Variants in UNC13C observed in about 807,000 individuals in gnomAD.
UNC13C encodes protein unc-13 homolog C.
Under a neutral mutation model 245.4 loss-of-function variants are expected in UNC13C, and 174 were observed. The observed-to-expected ratio is 0.71, with a 90% confidence interval of 0.63 to 0.80. The LOEUF (loss-of-function observed/expected upper bound fraction) is 0.80, where lower values mean the gene tolerates loss of function less well. UNC13C is among the 30% of genes least tolerant of loss of function. The probability of loss-of-function intolerance (pLI) is 0.00; values close to 1 mark genes in which losing one functional copy is unlikely to be tolerated. For synonymous variants in UNC13C, 992 were observed against 895.1 expected, an observed-to-expected ratio of 1.11 and a Z score of -1.93; for missense variants, 2,829 against 2,602.9, an observed-to-expected ratio of 1.09 and a Z score of -1.89.
chr15:54,501,086 G>A, intron 22 of UNC13C, 108 bp downstream of exon 22: 2 of 1,162,552 alleles, frequency 1.7e-6, no homozygotes, highest in Non-Finnish European at 2.4e-6. Flanking sequence ...CAGTTTATTT[G>A]TAATTCTGTA....
chr15:54,345,510 A>G (rs932336900), intron 17 of UNC13C, among the ~76,000 whole-genome samples: 5 of 152,204 alleles, frequency 3.3e-5, no homozygotes, highest in Non-Finnish European at 5.9e-5. Context: ...ACCTGGAAGG[A>G]TACATATTGC....
rs139943337 is a variant in UNC13C at position 54,131,203 on chromosome 15, T to C, written c.2984-11815T>C. Among the ~76,000 whole-genome samples, 50 of 152,336 alleles carry C rather than the reference T, an allele frequency of 3.3e-4. No individual in the cohort carries two copies. In the East Asian group the frequency reaches 8.9e-3, roughly 27 times the overall value. ...TGTGTGTCTGCATGGAATTTTGGTA[T>C]ATGTGGACCAGAGGGAAGAATCCTT... On this transcript the variant is annotated intron_variant, in intron 2 of 32. Coordinates refer to ENST00000260323, the MANE Select transcript of UNC13C (RefSeq NM_001080534.3).
chr15:54,149,746 G>A (rs545559866), intron 4 of UNC13C, among the ~76,000 whole-genome samples: 1 of 152,038 alleles, frequency 6.6e-6, no homozygotes, highest in African/African-American at 2.4e-5. Context: ...TGTATCTGTG[G>A]GTTCTACATC....
At chr15:54,246,953 C>A (rs2082645141) in intron 7 of UNC13C, among the ~76,000 whole-genome samples, 1 of 152,146 alleles carries the variant, frequency 6.6e-6, no homozygotes, top group African/African-American at 2.4e-5. Context: ...CAGCAAGTCA[C>A]TCATTTTGCC....
At chr15:54,478,398 A>T in intron 19 of UNC13C, among the ~76,000 whole-genome samples, 1 of 119,474 alleles carries the variant, frequency 8.4e-6, no homozygotes, top group Non-Finnish European at 1.8e-5. Flanking sequence ...TTTAATTGTG[A>T]TATTAGGGTG....
Position 53,996,626 on chromosome 15 carries a change from C to T in UNC13C, c.-256-16022C>T, listed in dbSNP as rs545413394. Among the ~76,000 whole-genome samples, 5 of 152,262 alleles carry T rather than the reference C, an allele frequency of 3.3e-5. No homozygotes were observed. In the South Asian group the frequency reaches 1.0e-3, roughly 32 times the overall value. On this transcript the variant is annotated intron_variant, in intron 1 of 32. Transcript: ENST00000260323. ...AAGCTTTCTCATATCCCCTTCAAGT[C>T]AATCTCCACTCTTCATAGCCAACCG...
At position 54,415,015 on chromosome 15, in the gene UNC13C, T is replaced by C; in HGVS notation, c.4881T>C (p.Ser1627=). The C allele has an allele frequency of 1.2e-6, 2 of 1,612,984 alleles. No homozygotes were observed. The highest frequency in any genetic ancestry group is 1.7e-6 in the Non-Finnish European group (2 of 1,179,432). The change falls in exon 19 of 33, where the codon AGT becomes AGC. Residue 1627 remains serine (S), a synonymous_variant. Coordinates refer to ENST00000260323, the MANE Select transcript of UNC13C (RefSeq NM_001080534.3). ...FPQELNMGKI[S]AEIMWTLFAL... is the part of the protein sequence containing the mutation. ...AAGAGCTGAACATGGGAAAAATAAG[T>C]GCCGAAATTATGTGGACTCTTTTTG...
intron 4 of UNC13C, among the ~76,000 whole-genome samples, chr15:54,180,960 A>G (rs1240062033): frequency 6.6e-6 from 1 of 151,896 alleles, no homozygotes; most frequent in Non-Finnish European, 1.5e-5. Context: ...TACTCTGTTG[A>G]TAGTTTCTTT....
chr15:54,315,682 A>C (rs1449213075), intron 13 of UNC13C, among the ~76,000 whole-genome samples: 1 of 151,692 alleles, frequency 6.6e-6, no homozygotes, highest in African/African-American at 2.4e-5. Context: ...TAACATTCCT[A>C]CATGGAAGCT....
chr15:54,621,082 C>G (rs1159518265), intron 30 of UNC13C, among the ~76,000 whole-genome samples: 1 of 152,118 alleles, frequency 6.6e-6, no homozygotes, highest in East Asian at 1.9e-4. Context: ...AGGAGAGAGG[C>G]CCTTGTGGTG....
chr15:54,588,507 T>C (rs1230611423), intron 30 of UNC13C, among the ~76,000 whole-genome samples: 2 of 151,966 alleles, frequency 1.3e-5, no homozygotes, highest in Non-Finnish European at 2.9e-5. Context: ...TAGTAAATTC[T>C]TTTTTTTCCA....
the UNC13C span, among the ~76,000 whole-genome samples, chr15:53,872,734 A>G: frequency 6.6e-6 from 1 of 152,188 alleles, no homozygotes; most frequent in Non-Finnish European, 1.5e-5. Flanking sequence ...TACTTTCAGG[A>G]TGAATTTCAA....
Position 54,486,290 on chromosome 15 carries a change from A to AG in UNC13C, c.4934-8318_4934-8317insG, listed in dbSNP as rs1893404476. ...ACACACACACACACACACACACACAATATCAGTGTGGTGGCGGGCGCTTGT... is the reference window on the plus strand; with the variant it reads ...ACACACACACACACACACACACACAAGTATCAGTGTGGTGGCGGGCGCTTGT... On this transcript the variant is annotated intron_variant, in intron 19 of 32. Coordinates refer to ENST00000260323, the MANE Select transcript of UNC13C (RefSeq NM_001080534.3). 1.4e-4 allele frequency among the ~76,000 whole-genome samples: 9 copies of AG among 64,106 alleles called. No homozygotes were observed. In the South Asian group the frequency reaches 6.4e-3, roughly 45 times the overall value. The allele number at this position is 64,106 out of a possible 152,430, so 42.1% of individuals were successfully genotyped here.
At chr15:53,846,988 T>G in the UNC13C span, among the ~76,000 whole-genome samples, 3 of 152,086 alleles carry the variant, frequency 2.0e-5, no homozygotes, top group African/African-American at 7.2e-5. Flanking sequence ...GCGCTGAGAA[T>G]AGTTGTCCTA....
intron 17 of UNC13C, among the ~76,000 whole-genome samples, chr15:54,346,645 A>G (rs1462141266): frequency 6.6e-6 from 1 of 152,240 alleles, no homozygotes. Flanking sequence ...AGACAGCTGC[A>G]GTTAGAACAA....
At chr15:54,619,642 C>T (rs1014946715) in intron 30 of UNC13C, among the ~76,000 whole-genome samples, 1 of 152,148 alleles carries the variant, frequency 6.6e-6, no homozygotes, top group African/African-American at 2.4e-5. Flanking sequence ...CAATTACACA[C>T]ATTTAATATA....
chr15:54,081,061 T>C (rs1247810870), intron 2 of UNC13C, among the ~76,000 whole-genome samples: 1 of 152,114 alleles, frequency 6.6e-6, no homozygotes, highest in East Asian at 1.9e-4. Flanking sequence ...ATTTAGTTGC[T>C]TATTCAAAAG....
intron 2 of UNC13C, among the ~76,000 whole-genome samples, chr15:54,041,044 C>T (rs1375350209): frequency 6.6e-6 from 1 of 152,186 alleles, no homozygotes; most frequent in Admixed American, 6.5e-5. Flanking sequence ...TCATTGTTTA[C>T]CTGCTTCCAT....
At position 54,456,637 on chromosome 15, in the gene UNC13C, G is replaced by T. The variant is rs534319868; in HGVS notation, c.4934-37971G>T. On this transcript the variant is annotated intron_variant, in intron 19 of 32. Coordinates refer to ENST00000260323, the MANE Select transcript of UNC13C (RefSeq NM_001080534.3). Reference sequence around the variant, plus strand: ...TTATTTATTTATTTATTTATTTATAGTTGTTGCAAAAGGGTTTGAGTTCTT... The same window carrying T: ...TTATTTATTTATTTATTTATTTATATTTGTTGCAAAAGGGTTTGAGTTCTT... 1.1e-3 allele frequency among the ~76,000 whole-genome samples: 155 copies of T among 134,832 alleles called. 2 individuals are homozygous for T. The highest frequency in any genetic ancestry group is 2.7e-4 in the Non-Finnish European group (16 of 60,310). 88.5% of individuals were successfully genotyped at this position (134,832 alleles called of 152,430 possible).
Sources: allele counts gnomAD v4.1 joint callset (sites outside exome capture counted in the v4.1 genomes callset), GRCh38; gene constraint gnomAD v4.1.1; transcripts MANE v1.5; gene names NCBI Gene and HGNC (gene_info 2026-07-23, HGNC 2026-07-21).